Variants in FSTL4 observed in about 807,000 individuals in gnomAD.
FSTL4 encodes follistatin like 4.
FSTL4 carries 28 observed loss-of-function variants against 78.2 expected under a neutral mutation model. That is an observed-to-expected ratio of 0.36 (90% CI 0.27 to 0.49). The LOEUF (loss-of-function observed/expected upper bound fraction) is 0.49. Ranked by LOEUF, FSTL4 falls within the 20% of genes least tolerant of loss-of-function variation. FSTL4 has a pLI of 0.98. For synonymous variants in FSTL4, 422 were observed against 440.5 expected (o/e 0.96, Z 0.53); for missense variants, 922 against 1,084.9 (o/e 0.85, Z 2.11).
Position 133,365,737 on chromosome 5 carries a change from A to T in FSTL4, c.409+35001T>A, listed in dbSNP as rs114744183. ...GACCTTTTCAATATTCTGTTATTAGATGGGCTGGCCATTTCAACTTCCTCC... is the reference window on the plus strand; with the variant it reads ...GACCTTTTCAATATTCTGTTATTAGTTGGGCTGGCCATTTCAACTTCCTCC... On this transcript the variant is annotated intron_variant, in intron 4 of 15. Coordinates refer to ENST00000265342, the MANE Select transcript of FSTL4 (RefSeq NM_015082.2). Among the ~76,000 whole-genome samples, 634 of 152,364 alleles carry T rather than the reference A, an allele frequency of 4.2e-3. 9 individuals carry two copies. Among genetic ancestry groups the T allele is most frequent in the African/African-American group, 0.015 (603 of 41,584 alleles).
chr5:133,298,901 C>A (rs1241413219), intron 6 of FSTL4, among the ~76,000 whole-genome samples: 1 of 152,196 alleles, frequency 6.6e-6, no homozygotes, highest in African/African-American at 2.4e-5. Context: ...CCGGCCAGAG[C>A]CTTTGTGGTT....
At chr5:133,360,685 T>C (rs1232401871) in intron 4 of FSTL4, among the ~76,000 whole-genome samples, 4 of 152,128 alleles carry the variant, frequency 2.6e-5, no homozygotes, top group Admixed American at 1.3e-4. Flanking sequence ...TTATGCTCAG[T>C]AAAAATAAAA....
chr5:133,331,988 T>C (rs1754360300), intron 4 of FSTL4, among the ~76,000 whole-genome samples: 2 of 152,194 alleles, frequency 1.3e-5, no homozygotes. Context: ...TGTGGGTTTT[T>C]CAACCTGAAG....
intron 3 of FSTL4, among the ~76,000 whole-genome samples, chr5:133,402,683 C>T (rs540552512): frequency 1.5e-4 from 23 of 152,268 alleles, no homozygotes; most frequent in Admixed American, 5.9e-4. Context: ...AATCAGTTAT[C>T]GGCAGATTAA....
chr5:133,445,262 T>G (rs1757238922), intron 3 of FSTL4, among the ~76,000 whole-genome samples: 1 of 152,204 alleles, frequency 6.6e-6, no homozygotes, highest in South Asian at 2.1e-4. Flanking sequence ...GGTCCATCTA[T>G]GGGGATTTCC....
At chr5:133,566,225 TTG>T (rs1204067723) in intron 3 of FSTL4, among the ~76,000 whole-genome samples, 1 of 152,186 alleles carries the variant, frequency 6.6e-6, no homozygotes, top group African/African-American at 2.4e-5. Flanking sequence ...TGTGAAAAGT[TTG>T]TGTTACCAAG....
chr5:133,595,626 T>C (rs1760721636), intron 2 of FSTL4, among the ~76,000 whole-genome samples: 1 of 152,194 alleles, frequency 6.6e-6, no homozygotes, highest in African/African-American at 2.4e-5. Flanking sequence ...CACATCAGAC[T>C]GTGGCTCAGG....
chr5:133,281,718 G>T (rs547656781), intron 6 of FSTL4, among the ~76,000 whole-genome samples: 2 of 152,148 alleles, frequency 1.3e-5, no homozygotes, highest in Admixed American at 6.5e-5. Context: ...CACTGGCAAG[G>T]CCCCCTGTTC....
the FSTL4 span, among the ~76,000 whole-genome samples, chr5:133,708,147 G>A: frequency 4.0e-5 from 5 of 125,490 alleles, no homozygotes; most frequent in Admixed American, 9.2e-5. Context: ...GGCAAGGAAC[G>A]AAGGAAGGAA....
the FSTL4 span, among the ~76,000 whole-genome samples, chr5:133,765,195 G>A: frequency 6.6e-6 from 1 of 152,196 alleles, no homozygotes; most frequent in Non-Finnish European, 1.5e-5. Context: ...TGTAGAATGG[G>A]TAACTATAAG....
the FSTL4 span, among the ~76,000 whole-genome samples, chr5:133,710,093 G>A: frequency 6.6e-6 from 1 of 152,198 alleles, no homozygotes; most frequent in Non-Finnish European, 1.5e-5. Flanking sequence ...AGTGCCATGA[G>A]GCAGGGGTCA....
chr5:133,682,190 A>G, the FSTL4 span, among the ~76,000 whole-genome samples: 6 of 152,298 alleles, frequency 3.9e-5, no homozygotes, highest in South Asian at 1.2e-3. Context: ...GACCCTATTC[A>G]GACATGACAT....
At chr5:133,643,337 C>G in the FSTL4 span, among the ~76,000 whole-genome samples, 3 of 152,172 alleles carry the variant, frequency 2.0e-5, no homozygotes, top group African/African-American at 4.8e-5. Flanking sequence ...GTTTTTCACG[C>G]TGTTATAATC....
intron 8 of FSTL4, among the ~76,000 whole-genome samples, chr5:133,226,402 G>C (rs568791936): frequency 2.6e-5 from 4 of 152,254 alleles, no homozygotes; most frequent in Non-Finnish European, 4.4e-5. Flanking sequence ...TCAGGTTCAG[G>C]GTTGGGGGTG....
intron 3 of FSTL4, among the ~76,000 whole-genome samples, chr5:133,530,741 G>A (rs1759234049): frequency 6.6e-6 from 1 of 152,198 alleles, no homozygotes; most frequent in Non-Finnish European, 1.5e-5. Context: ...CTTCACCATG[G>A]AGCCCCAAGA....
At chr5:133,796,818 C>T in the FSTL4 span, among the ~76,000 whole-genome samples, 5 of 152,060 alleles carry the variant, frequency 3.3e-5, no homozygotes, top group African/African-American at 1.2e-4. Flanking sequence ...TTTAGGGCCT[C>T]GGGTATCCAG....
At chr5:133,632,509 A>T in the FSTL4 span, among the ~76,000 whole-genome samples, 2 of 152,138 alleles carry the variant, frequency 1.3e-5, no homozygotes, top group African/African-American at 4.8e-5. Flanking sequence ...TCTGCTGGAG[A>T]CAAATTATCT....
intron 3 of FSTL4, among the ~76,000 whole-genome samples, chr5:133,562,060 A>T (rs1325772624): frequency 6.6e-6 from 1 of 152,146 alleles, no homozygotes; most frequent in Non-Finnish European, 1.5e-5. Flanking sequence ...TGCATGTGAG[A>T]GAGGGTGGCA....
the FSTL4 span, among the ~76,000 whole-genome samples, chr5:133,801,084 G>A: frequency 3.9e-5 from 6 of 152,048 alleles, no homozygotes; most frequent in Admixed American, 1.3e-4. Flanking sequence ...TCACCTGGTC[G>A]GGTTTCTCCG....
Sources: gnomAD v4.1 joint callset for allele counts (sites outside exome capture counted in the v4.1 genomes callset) on GRCh38, gnomAD v4.1.1 for gene constraint, MANE v1.5 for transcripts, NCBI Gene and HGNC (gene_info 2026-07-23, HGNC 2026-07-21) for gene names.